Variants in SOX6 observed in about 807,000 individuals in gnomAD.
SOX6 encodes transcription factor SOX-6.
Under a neutral mutation model 97.8 loss-of-function variants are expected in SOX6, and 11 were observed. The observed-to-expected ratio is 0.11, with a 90% CI of 0.07 to 0.19. The LOEUF is 0.19. SOX6 is among the 10% of genes least tolerant of loss of function. SOX6 has a pLI of 1.00. For synonymous variants in SOX6, 360 were observed against 371.4 expected (o/e 0.97, Z 0.35); for missense variants, 810 against 1,039.5 (o/e 0.78, Z 3.04).
At chr11:16,517,582 C>T (rs1860993310) in intron 4 of SOX6, among the ~76,000 whole-genome samples, 1 of 152,104 alleles carries the variant, frequency 6.6e-6, no homozygotes, top group African/African-American at 2.4e-5. Flanking sequence ...GCCAGACATG[C>T]TAGCAATGCA....
At chr11:16,440,440 G>A (rs1362859513) in intron 1 of SOX6, among the ~76,000 whole-genome samples, 1 of 152,162 alleles carries the variant, frequency 6.6e-6, no homozygotes, top group Non-Finnish European at 1.5e-5. Context: ...AGGACGCAGA[G>A]CATATGTTTA....
At chr11:16,157,668 G>C (rs536621857) in intron 6 of SOX6, among the ~76,000 whole-genome samples, 1 of 151,900 alleles carries the variant, frequency 6.6e-6, no homozygotes. Context: ...GGTCATAAAA[G>C]GTCCTTCAAT....
chr11:16,363,843 C>T (rs760615598), intron 1 of SOX6, among the ~76,000 whole-genome samples: 60 of 151,946 alleles, frequency 3.9e-4, no homozygotes, highest in Admixed American at 9.2e-4. Context: ...GCTCTAGCCT[C>T]TCACTTTTCA....
At chr11:16,595,874 C>T (rs1848208426) in intron 4 of SOX6, among the ~76,000 whole-genome samples, 1 of 152,178 alleles carries the variant, frequency 6.6e-6, no homozygotes, top group Non-Finnish European at 1.5e-5. Flanking sequence ...ACTGCTGCTA[C>T]TGCTGCTTCT....
chr11:16,701,785 A>AG (rs1203590611), intron 3 of SOX6, among the ~76,000 whole-genome samples: 6 of 5,048 alleles, frequency 1.2e-3, no homozygotes, highest in Admixed American at 7.7e-3. Flanking sequence ...GGGGGGTGGG[A>AG]GGGGGGACTG....
intron 3 of SOX6, among the ~76,000 whole-genome samples, chr11:16,641,812 G>A (rs1174972940): frequency 6.6e-6 from 1 of 152,158 alleles, no homozygotes; most frequent in African/African-American, 2.4e-5. Context: ...CTGCACATGA[G>A]ATGGGTTTCC....
chr11:16,708,851 C>A (rs563533125), intron 3 of SOX6, among the ~76,000 whole-genome samples: 1 of 152,046 alleles, frequency 6.6e-6, no homozygotes, highest in Non-Finnish European at 1.5e-5. Context: ...CTTTTTCACA[C>A]AAAAAAATTC....
intron 4 of SOX6, among the ~76,000 whole-genome samples, chr11:16,553,328 T>C (rs1847710804): frequency 1.3e-5 from 2 of 152,230 alleles, no homozygotes; most frequent in Non-Finnish European, 2.9e-5. Context: ...ACTGTATTTA[T>C]ACTCATGTAT....
intron 6 of SOX6, among the ~76,000 whole-genome samples, chr11:16,112,648 G>C (rs1433473188): frequency 6.6e-6 from 1 of 152,022 alleles, no homozygotes; most frequent in Non-Finnish European, 1.5e-5. Flanking sequence ...CTCAATAAAT[G>C]TATCAAAGAG....
chr11:16,147,860 A>C (rs1850351822), intron 6 of SOX6, among the ~76,000 whole-genome samples: 2 of 152,194 alleles, frequency 1.3e-5, no homozygotes, highest in South Asian at 4.1e-4. Context: ...ATTCAGTGTG[A>C]AATTTAAAAC....
intron 2 of SOX6, among the ~76,000 whole-genome samples, chr11:16,329,431 C>T (rs1009445534): frequency 6.6e-6 from 1 of 152,128 alleles, no homozygotes; most frequent in Non-Finnish European, 1.5e-5. Flanking sequence ...GTCTTTAAAA[C>T]TCCAATTGTT....
chr11:16,662,339 C>T (rs1020985987), intron 3 of SOX6, among the ~76,000 whole-genome samples: 2 of 152,192 alleles, frequency 1.3e-5, no homozygotes, highest in Admixed American at 6.5e-5. Flanking sequence ...TTTCTCTCCA[C>T]TGTCTGCTTG....
intron 4 of SOX6, among the ~76,000 whole-genome samples, chr11:16,575,808 A>C (rs942856137): frequency 2.6e-5 from 4 of 152,186 alleles, no homozygotes; most frequent in African/African-American, 9.7e-5. Context: ...AAGGAAAACA[A>C]GTGGCTTCTG....
chr11:16,242,958 G>A (rs186771223), intron 3 of SOX6, among the ~76,000 whole-genome samples: 2 of 151,898 alleles, frequency 1.3e-5, no homozygotes, highest in Admixed American at 6.6e-5. Context: ...AGTACACCAA[G>A]CATGCCTATC....
intron 3 of SOX6, among the ~76,000 whole-genome samples, chr11:16,633,382 A>C (rs541822487): frequency 6.6e-6 from 1 of 152,354 alleles, no homozygotes; most frequent in African/African-American, 2.4e-5. Context: ...GAAACAGTTT[A>C]AAATCAGAAT....
intron 3 of SOX6, among the ~76,000 whole-genome samples, chr11:16,659,170 C>T (rs1188377864): frequency 6.6e-6 from 1 of 152,130 alleles, no homozygotes; most frequent in East Asian, 1.9e-4. Flanking sequence ...TACAGTTTTG[C>T]ATTTTACATT....
intron 4 of SOX6, among the ~76,000 whole-genome samples, chr11:16,193,957 T>C (rs1851701492): frequency 6.6e-6 from 1 of 152,246 alleles, no homozygotes; most frequent in Non-Finnish European, 1.5e-5. Context: ...ATGTCTCCAC[T>C]TCACAAGCTC....
intron 12 of SOX6, among the ~76,000 whole-genome samples, chr11:16,039,279 C>A (rs1855595916): frequency 6.6e-6 from 1 of 152,008 alleles, no homozygotes. Flanking sequence ...ACAAATAGTA[C>A]AACTGTACTG....
chr11:16,484,237 C>A, intron 4 of SOX6: 1 of 935,050 alleles, frequency 1.1e-6, no homozygotes, highest in Admixed American at 1.7e-5. Context: ...CCAGCTCCTC[C>A]ATGGCTGCCC....
Sources: gnomAD v4.1 joint callset for allele counts (sites outside exome capture counted in the v4.1 genomes callset) on GRCh38, gnomAD v4.1.1 for gene constraint, MANE v1.5 for transcripts, NCBI Gene and HGNC (gene_info 2026-07-23, HGNC 2026-07-21) for gene names.